Variants in HMCN1 observed in about 807,000 individuals in gnomAD.
HMCN1 encodes the protein hemicentin-1.
Under a neutral mutation model 625.9 loss-of-function variants are expected in HMCN1, and 321 were observed. That is an observed-to-expected ratio of 0.51 (90% CI 0.47 to 0.56). The LOEUF is 0.56. HMCN1 is among the 20% of genes least tolerant of loss of function. HMCN1 has a pLI of 0.00. For missense variants in HMCN1, 6,588 were observed against 6,887.3 expected, an observed-to-expected ratio of 0.96 and a Z score of 1.54; for synonymous variants, 2,425 against 2,417.6, an observed-to-expected ratio of 1.00 and a Z score of -0.09.
At chr1:185,893,196 C>G (rs1056995343) in intron 4 of HMCN1, among the ~76,000 whole-genome samples, 3 of 152,258 alleles carry the variant, frequency 2.0e-5, no homozygotes, top group Non-Finnish European at 1.5e-5. Flanking sequence ...ACCCAGTGAC[C>G]TGTGCCCACT....
chr1:186,094,661 G>T (rs1486875660), intron 67 of HMCN1, among the ~76,000 whole-genome samples: 12 of 152,074 alleles, frequency 7.9e-5, no homozygotes, highest in Non-Finnish European at 1.5e-4. Flanking sequence ...TTCATGTAAA[G>T]AAAAAGTCAA....
chr1:186,096,807 T>C (rs1660159856), intron 68 of HMCN1, among the ~76,000 whole-genome samples: 1 of 152,160 alleles, frequency 6.6e-6, no homozygotes. Flanking sequence ...ATCATTTCAA[T>C]AGATGCGAAA....
At chr1:186,052,896 G>C (rs1657054694) in intron 42 of HMCN1, 56 bp from the exon 43 acceptor site, 1 of 1,419,336 alleles carries the variant, frequency 7.0e-7, no homozygotes. Context: ...CATGTAAACT[G>C]TTATGAGAAT....
intron 46 of HMCN1, among the ~76,000 whole-genome samples, chr1:186,060,942 T>C (rs1309547360): frequency 6.6e-6 from 1 of 152,134 alleles, no homozygotes; most frequent in Non-Finnish European, 1.5e-5. Context: ...TGTTTGTTTA[T>C]ACACTCCATA....
chr1:186,017,084 G>A lies in HMCN1; in HGVS notation c.5300+13G>A. On this transcript the variant is annotated intron_variant, in intron 33 of 106. Transcript: ENST00000271588. ...CACCAACTATCATGTAAGGGTTTTGGTATGTCTTCTAAATACCTCCTGCTT... is the reference window on the plus strand; with the variant it reads ...CACCAACTATCATGTAAGGGTTTTGATATGTCTTCTAAATACCTCCTGCTT... The A allele has an allele frequency of 7.1e-7, 1 of 1,409,082 alleles. No individual in the cohort carries two copies. The highest frequency in any genetic ancestry group is 1.0e-6 in the Non-Finnish European group (1 of 993,318). The allele number at this position is 1,409,082 out of a possible 1,614,324, so 87.3% of individuals were successfully genotyped here.
intron 16 of HMCN1, among the ~76,000 whole-genome samples, chr1:185,978,973 G>A (rs1022654788): frequency 1.3e-5 from 2 of 152,170 alleles, no homozygotes; most frequent in African/African-American, 4.8e-5. Context: ...GAACCACCAT[G>A]TCTGGCCCAA....
At chr1:185,942,890 C>T (rs1185289900) in intron 11 of HMCN1, among the ~76,000 whole-genome samples, 1 of 151,976 alleles carries the variant, frequency 6.6e-6, no homozygotes, top group Non-Finnish European at 1.5e-5. Flanking sequence ...GCTAGAATGG[C>T]TGACAGAACT....
intron 37 of HMCN1, 104 bp downstream of exon 37, chr1:186,038,139 A>AAAAAAATG: frequency 1.3e-6 from 1 of 752,634 alleles, no homozygotes; most frequent in Non-Finnish European, 2.4e-6. Flanking sequence ...AGAACAGGTT[A>AAAAAAATG]TAGAATACAT....
At chr1:185,829,436 G>T (rs1660722862) in intron 1 of HMCN1, among the ~76,000 whole-genome samples, 1 of 152,106 alleles carries the variant, frequency 6.6e-6, no homozygotes, top group Non-Finnish European at 1.5e-5. Flanking sequence ...AGGCTGTGGG[G>T]TGTGTCATTC....
At position 185,925,081 on chromosome 1, in the gene HMCN1, A is replaced by G; in HGVS notation, c.1320A>G (p.Pro440=). The G allele has an allele frequency of 6.2e-7, 1 of 1,613,826 alleles. No homozygotes were observed. Among genetic ancestry groups the G allele is most frequent in the Non-Finnish European group, 8.5e-7 (1 of 1,179,858 alleles). The change falls in exon 9 of 107, where the codon CCA becomes CCG. Residue 440 remains proline, a synonymous_variant. Transcript: ENST00000271588. ...APKVTMPEKT[P]GYYLQPGQIP... The stretch of plus-strand genomic sequence containing the variant: ...AAGTTACGATGCCTGAGAAAACCCC[A>G]GGATACTATCTGCAGCCGGGCCAAA...
chr1:185,985,568 A>ACG, intron 19 of HMCN1, among the ~76,000 whole-genome samples: 1 of 152,338 alleles, frequency 6.6e-6, no homozygotes, highest in South Asian at 2.1e-4. Flanking sequence ...ATTGTGATGC[A>ACG]AGAAGTTTTA....
chr1:186,141,271 G>C (rs1293946535), intron 89 of HMCN1, among the ~76,000 whole-genome samples: 1 of 152,132 alleles, frequency 6.6e-6, no homozygotes, highest in Non-Finnish European at 1.5e-5. Context: ...GCGATCCGTG[G>C]CCCATGGGAT....
intron 36 of HMCN1, among the ~76,000 whole-genome samples, chr1:186,026,194 A>G (rs1444535533): frequency 6.6e-6 from 1 of 152,226 alleles, no homozygotes; most frequent in East Asian, 1.9e-4. Flanking sequence ...ATGTTAAAAA[A>G]TGTAGGAATT....
chr1:185,739,909 T>C (rs1321889667), intron 1 of HMCN1, among the ~76,000 whole-genome samples: 1 of 152,134 alleles, frequency 6.6e-6, no homozygotes, highest in East Asian at 1.9e-4. Context: ...AAGTCACATT[T>C]GATCAAAGAC....
intron 48 of HMCN1, 32 bp from the exon 49 acceptor site, chr1:186,065,206 A>G (rs1490485835): frequency 1.3e-6 from 2 of 1,571,304 alleles, no homozygotes; most frequent in South Asian, 1.1e-5. Context: ...ACATGTAATT[A>G]TTAGCTGACT....
chr1:185,938,738 G>A (rs1344422831), intron 11 of HMCN1, among the ~76,000 whole-genome samples: 2 of 152,030 alleles, frequency 1.3e-5, no homozygotes, highest in Admixed American at 6.6e-5. Context: ...GATGTTGGCT[G>A]TGTTCTCAGC....
chr1:186,130,095 T>C lies in HMCN1; in HGVS notation c.13034T>C (p.Val4345Ala). 1 of 1,613,112 alleles carries C rather than the reference T, an allele frequency of 6.2e-7. No homozygotes were observed. The highest frequency in any genetic ancestry group is 8.5e-7 in the Non-Finnish European group (1 of 1,179,278). Residue 4345 changes from valine to alanine, a missense_variant, in exon 84 of 107, where the codon GTG (valine) becomes GCG (alanine). Coordinates refer to ENST00000271588, the MANE Select transcript of HMCN1 (RefSeq NM_031935.3). ...GFVKAIGFVY[V>A]KEPPVFKGDY... ...GTGAAGGCAATTGGATTTGTTTATG[T>C]GAAAGGTAGGGAAAAGCGCTCCATT...
intron 96 of HMCN1, among the ~76,000 whole-genome samples, chr1:186,153,178 A>G (rs1035714952): frequency 6.6e-6 from 1 of 152,194 alleles, no homozygotes; most frequent in Non-Finnish European, 1.5e-5. Context: ...TCATCCATAA[A>G]ATATTTCAGA....
intron 4 of HMCN1, among the ~76,000 whole-genome samples, chr1:185,868,702 A>G (rs1158939387): frequency 6.6e-6 from 1 of 152,214 alleles, no homozygotes; most frequent in African/African-American, 2.4e-5. Context: ...ATGAGAAAGC[A>G]CTAATACAGC....
Sources: allele counts gnomAD v4.1 joint callset (sites outside exome capture counted in the v4.1 genomes callset), GRCh38; gene constraint gnomAD v4.1.1; transcripts MANE v1.5; gene names NCBI Gene and HGNC (gene_info 2026-07-23, HGNC 2026-07-21).